Variants in ALKBH1 observed in about 807,000 individuals in gnomAD.
ALKBH1 encodes nucleic acid dioxygenase ALKBH1.
ALKBH1 carries 31 observed loss-of-function variants against 36.6 expected under a neutral mutation model. The observed-to-expected ratio is 0.85, with a 90% CI of 0.64 to 1.14. ALKBH1 has a LOEUF of 1.14. ALKBH1 is among the 50% of genes most tolerant of loss of function. The pLI is 0.00. For synonymous variants in ALKBH1, 183 were observed against 186.6 expected, an observed-to-expected ratio of 0.98 and a Z score of 0.16; for missense variants, 490 against 497.3, an observed-to-expected ratio of 0.99 and a Z score of 0.14.
intron 1 of ALKBH1, among the ~76,000 whole-genome samples, chr14:77,704,680 C>T: frequency 6.6e-6 from 1 of 152,312 alleles, no homozygotes; most frequent in Non-Finnish European, 1.5e-5. Context: ...TCAAGTGATC[C>T]TCCTGTGTTG....
chr14:77,698,985 C>A (rs1291405824), intron 2 of ALKBH1, among the ~76,000 whole-genome samples: 2 of 152,110 alleles, frequency 1.3e-5, no homozygotes, highest in Non-Finnish European at 2.9e-5. Context: ...GTTGGCCAGG[C>A]TGGTCTTGAA....
intron 3 of ALKBH1, among the ~76,000 whole-genome samples, chr14:77,687,519 TA>T (rs2080274512): frequency 1.3e-5 from 2 of 152,154 alleles, no homozygotes; most frequent in African/African-American, 4.8e-5. Flanking sequence ...CTTCCCTTTA[TA>T]ATTAAACTTT....
intron 2 of ALKBH1, among the ~76,000 whole-genome samples, chr14:77,700,526 T>C (rs928056057): frequency 6.6e-6 from 1 of 151,812 alleles, no homozygotes; most frequent in Non-Finnish European, 1.5e-5. Context: ...TTGGATTTTA[T>C]GTTTCATTTA....
At chr14:77,679,758 G>A in intron 4 of ALKBH1, 122 bp downstream of exon 4, 2 of 757,960 alleles carry the variant, frequency 2.6e-6, no homozygotes, top group Non-Finnish European at 4.3e-6. Flanking sequence ...GGAAATAAAA[G>A]AAAGGGATCC....
At chr14:77,695,371 T>C (rs2080321410) in intron 2 of ALKBH1, among the ~76,000 whole-genome samples, 1 of 152,192 alleles carries the variant, frequency 6.6e-6, no homozygotes, top group Admixed American at 6.5e-5. Context: ...CACTCTTCTA[T>C]ACTTAGCTTC....
intron 1 of ALKBH1, among the ~76,000 whole-genome samples, 177 bp from the exon 2 acceptor site, chr14:77,704,654 C>G (rs1281437682): frequency 6.6e-6 from 1 of 152,208 alleles, no homozygotes; most frequent in African/African-American, 2.4e-5. Flanking sequence ...TTCACTGCAG[C>G]CTCAAGCTCC....
chr14:77,678,985 T>A (rs1231594220), intron 4 of ALKBH1, among the ~76,000 whole-genome samples: 1 of 152,044 alleles, frequency 6.6e-6, no homozygotes, highest in African/African-American at 2.4e-5. Context: ...CTGGCTAATT[T>A]TTCTATTTTT....
Position 77,708,018 on chromosome 14 carries a change from C to G in ALKBH1, c.-14G>C, listed in dbSNP as rs755600979. On this transcript the variant is annotated 5_prime_UTR_variant, in exon 1 of 6. Transcript: ENST00000216489. ...CATCTTCCCCATCTCGCGGCCTATA[C>G]CCTCTGATCCGGAAGCAGATTCTCT... 4 of 1,608,772 alleles carry G rather than the reference C, an allele frequency of 2.5e-6. No homozygotes were observed. The South Asian group carries it at 4.4e-5, about 18-fold the overall frequency.
rs1225906866 is a variant in ALKBH1 at position 77,707,905 on chromosome 14, G to A, written c.100C>T (p.Arg34Trp). ...CCTTCCAGGTCTGCGGTCCCGGGCC[G>A]GCTCTGACGGTAGAAGCGGAAAAGT... ...RKLFRFYRQS[R>W]PGTADLEGVI... The change falls in exon 1 of 6, where the codon CGG becomes TGG. Residue 34 changes from arginine to tryptophan, a missense_variant. Coordinates refer to ENST00000216489, the MANE Select transcript of ALKBH1 (RefSeq NM_006020.3). 2 of 1,613,298 alleles carry A rather than the reference G, an allele frequency of 1.2e-6. No individual in the cohort carries two copies. Among genetic ancestry groups the A allele is most frequent in the African/African-American group, 2.7e-5 (2 of 74,916 alleles).
At chr14:77,689,068 C>T (rs1283247380) in intron 3 of ALKBH1, among the ~76,000 whole-genome samples, 2 of 152,218 alleles carry the variant, frequency 1.3e-5, no homozygotes, top group African/African-American at 4.8e-5. Context: ...TTTCTAGTCT[C>T]ATCTCCAAGC....
intron 3 of ALKBH1, chr14:77,683,786 G>A (rs1274207784): frequency 5.3e-6 from 1 of 187,922 alleles, no homozygotes; most frequent in Non-Finnish European, 1.1e-5. Context: ...TGCCCAAGCT[G>A]GTCTTGAACT....
In ALKBH1 at chr14:77,704,244, A is replaced by G. The variant is rs2080375757; in HGVS notation, c.292+125T>C. On this transcript the variant is annotated intron_variant, in intron 2 of 5. Coordinates refer to ENST00000216489, the MANE Select transcript of ALKBH1 (RefSeq NM_006020.3). ...AGTCTAGAATGGGTTTGGAAATGAA[A>G]CATTTATCTGTTTATTATGTGTATC... 7 of 734,002 alleles carry G rather than the reference A, an allele frequency of 9.5e-6. No individual in the cohort carries two copies. In the East Asian group the frequency reaches 1.8e-4, roughly 19 times the overall value. 45.5% of individuals were successfully genotyped at this position (734,002 alleles called of 1,614,324 possible). A position where few individuals can be genotyped will look rare whatever the true frequency, so the allele number is the denominator to read the frequency against.
At chr14:77,682,721 T>G (rs180933431) in intron 3 of ALKBH1, among the ~76,000 whole-genome samples, 1 of 152,250 alleles carries the variant, frequency 6.6e-6, no homozygotes, top group African/African-American at 2.4e-5. Flanking sequence ...TTTTGGAGAC[T>G]GTGTCTCATT....
intron 4 of ALKBH1, among the ~76,000 whole-genome samples, chr14:77,678,545 CAAAA>C (rs35334986): frequency 1.2e-4 from 14 of 118,332 alleles, no homozygotes; most frequent in African/African-American, 1.5e-4. Context: ...AAGACCATTA[CAAAA>C]AAAAAAAAAA....
chr14:77,683,333 CTT>C, intron 3 of ALKBH1: 1 of 735,588 alleles, frequency 1.4e-6, no homozygotes, highest in South Asian at 1.4e-5. Context: ...TCTTTGGGTT[CTT>C]TTTCTGATCA....
chr14:77,693,589 T>C (rs2080310308), intron 3 of ALKBH1, among the ~76,000 whole-genome samples: 1 of 152,242 alleles, frequency 6.6e-6, no homozygotes, highest in Non-Finnish European at 1.5e-5. Flanking sequence ...TCAGGCTGCT[T>C]TCTCTACTCA....
intron 2 of ALKBH1, among the ~76,000 whole-genome samples, chr14:77,702,280 G>A (rs1566817911): frequency 2.0e-5 from 3 of 152,024 alleles, no homozygotes; most frequent in Admixed American, 6.6e-5. Flanking sequence ...CAGCCTAGGC[G>A]ACAGAGCAAG....
At chr14:77,688,592 G>A (rs185518786) in intron 3 of ALKBH1, among the ~76,000 whole-genome samples, 102 of 136,266 alleles carry the variant, frequency 7.5e-4, no homozygotes, top group Middle Eastern at 4.5e-3. Context: ...TCATTCTGTC[G>A]CGCAGGCTGG....
intron 2 of ALKBH1, among the ~76,000 whole-genome samples, chr14:77,700,935 TAAAAA>T (rs1007472793): frequency 6.7e-6 from 1 of 149,004 alleles, no homozygotes. Context: ...AAAAAATAAA[TAAAAA>T]AAAAATTAGC....
Sources: gnomAD v4.1 joint callset for allele counts (sites outside exome capture counted in the v4.1 genomes callset) on GRCh38, gnomAD v4.1.1 for gene constraint, MANE v1.5 for transcripts, NCBI Gene and HGNC (gene_info 2026-07-23, HGNC 2026-07-21) for gene names.